ANK2: variants seen among roughly 807,000 people sequenced by gnomAD.
The protein encoded by ANK2 is ankyrin-2.
ANK2 carries 83 observed loss-of-function variants against 360.5 expected under a neutral mutation model. That is an observed-to-expected ratio of 0.23 (90% confidence interval 0.19 to 0.28). The LOEUF (loss-of-function observed/expected upper bound fraction) is 0.28. Among genes scored for constraint, ANK2 ranks in the 10% least tolerant of loss-of-function variants. The pLI is 1.00. For missense variants in ANK2, 4,201 were observed against 4,795.7 expected, an observed-to-expected ratio of 0.88 and a Z score of 3.66; for synonymous variants, 1,740 against 1,759.5, an observed-to-expected ratio of 0.99 and a Z score of 0.28.
At chr4:113,073,120 C>G (rs962101627) in intron 1 of ANK2, among the ~76,000 whole-genome samples, 2 of 151,728 alleles carry the variant, frequency 1.3e-5, no homozygotes, top group Non-Finnish European at 2.9e-5. Flanking sequence ...CACCACCATG[C>G]CTGGCTAGTT....
At chr4:113,307,361 A>G (rs2077676921) in intron 23 of ANK2, among the ~76,000 whole-genome samples, 1 of 151,024 alleles carries the variant, frequency 6.6e-6, no homozygotes, top group Non-Finnish European at 1.5e-5. Context: ...CGTTTCAGAG[A>G]ATCTCCTTGT....
intron 17 of ANK2, among the ~76,000 whole-genome samples, chr4:113,279,582 T>C (rs1450264124): frequency 6.6e-6 from 1 of 151,500 alleles, no homozygotes; most frequent in African/African-American, 2.4e-5. Context: ...ATTCCACTTC[T>C]GTTATACAAA....
At chr4:113,186,434 G>T (rs141479464) in intron 2 of ANK2, among the ~76,000 whole-genome samples, 1 of 152,110 alleles carries the variant, frequency 6.6e-6, no homozygotes, top group Non-Finnish European at 1.5e-5. Flanking sequence ...GTAAATACAC[G>T]AAGATGAAGA....
chr4:113,252,281 G>A (rs1340187163), intron 10 of ANK2, among the ~76,000 whole-genome samples: 2 of 152,138 alleles, frequency 1.3e-5, no homozygotes, highest in Non-Finnish European at 2.9e-5. Flanking sequence ...ATCTCCCACT[G>A]GGTCCCTCTC....
chr4:113,252,248 G>A (rs1430581377), intron 10 of ANK2, among the ~76,000 whole-genome samples: 3 of 152,108 alleles, frequency 2.0e-5, no homozygotes, highest in Non-Finnish European at 4.4e-5. Context: ...TAGTTTGGGG[G>A]AATCCGCCCT....
chr4:112,894,634 G>C (rs567897587), intron 1 of ANK2, among the ~76,000 whole-genome samples: 1 of 152,262 alleles, frequency 6.6e-6, no homozygotes, highest in Non-Finnish European at 1.5e-5. Flanking sequence ...ACGGTAAAAT[G>C]CAAATACTCG....
At chr4:112,743,498 A>C in the ANK2 span, among the ~76,000 whole-genome samples, 1,015 of 134,622 alleles carry the variant, frequency 7.5e-3, 14 homozygotes, top group African/African-American at 0.026. Flanking sequence ...TCTCTCCTTC[A>C]TTCCTTCCTT....
chr4:113,263,434 TA>T (rs887674053), intron 13 of ANK2, among the ~76,000 whole-genome samples: 1 of 152,174 alleles, frequency 6.6e-6, no homozygotes, highest in Non-Finnish European at 1.5e-5. Flanking sequence ...CATTAGAGGA[TA>T]AATGAGTCAT....
At chr4:113,247,164 A>G (rs1179875319) in intron 9 of ANK2, among the ~76,000 whole-genome samples, 2 of 151,706 alleles carry the variant, frequency 1.3e-5, no homozygotes, top group Non-Finnish European at 2.9e-5. Context: ...TTCTAGAGAA[A>G]AAAAAAAAAA....
At chr4:113,233,537 A>T (rs2099347292) in intron 5 of ANK2, among the ~76,000 whole-genome samples, 1 of 152,190 alleles carries the variant, frequency 6.6e-6, no homozygotes, top group Admixed American at 6.5e-5. Context: ...AACTATCTTA[A>T]GATAATTTTT....
intron 29 of ANK2, 90 bp downstream of exon 29, chr4:113,333,298 ATGTGTGTGTGTGTG>A (rs60929199): frequency 4.1e-5 from 48 of 1,163,228 alleles, no homozygotes; most frequent in Non-Finnish European, 5.4e-5. Context: ...GTGTGTGTAT[ATGTGTGTGTGTGTG>A]TGTGTGTGTG....
chr4:112,806,992 A>G, the ANK2 span, among the ~76,000 whole-genome samples: 1 of 152,250 alleles, frequency 6.6e-6, no homozygotes, highest in East Asian at 1.9e-4. Context: ...ATGAGTCTTC[A>G]GGGGAATAAT....
intron 1 of ANK2, among the ~76,000 whole-genome samples, chr4:112,830,605 AATT>A (rs1165580082): frequency 1.1e-4 from 15 of 137,606 alleles, no homozygotes; most frequent in African/African-American, 2.6e-4. Context: ...TGTAACATGC[AATT>A]ATTATTATTA....
chr4:113,313,175 C>T (rs1201078474), intron 24 of ANK2, among the ~76,000 whole-genome samples: 1 of 152,094 alleles, frequency 6.6e-6, no homozygotes, highest in Non-Finnish European at 1.5e-5. Flanking sequence ...AGATTTGGAC[C>T]TTATACTCTG....
chr4:112,770,326 C>G, the ANK2 span, among the ~76,000 whole-genome samples: 1 of 152,220 alleles, frequency 6.6e-6, no homozygotes, highest in Non-Finnish European at 1.5e-5. Context: ...GGAATGTGGA[C>G]AGGCGTGAGC....
chr4:112,867,482 T>A (rs2071079090), intron 1 of ANK2, among the ~76,000 whole-genome samples: 1 of 152,040 alleles, frequency 6.6e-6, no homozygotes. Context: ...ATTCACAGAG[T>A]TGTACAACCA....
At position 113,274,563 on chromosome 4, in the gene ANK2, C is replaced by A. The variant is rs2153688612; in HGVS notation, c.1597C>A (p.Pro533Thr). 1 of 1,614,212 alleles carries A rather than the reference C, an allele frequency of 6.2e-7. No homozygotes were observed. The highest frequency in any genetic ancestry group is 1.1e-5 in the South Asian group (1 of 91,088). The change falls in exon 15 of 46, where the codon CCA (proline) becomes ACA (threonine). Residue 533 changes from proline to threonine, a missense_variant. Coordinates refer to ENST00000357077, the MANE Select transcript of ANK2 (RefSeq NM_001148.6). ...PDAATTNGYTPLHISAREGQV... is the reference protein window; with the variant it reads ...PDAATTNGYTTLHISAREGQV... ...TGCGGCCACTACAAATGGGTACACA[C>A]CACTGCACATCTCTGCCCGGGAGGG...
chr4:112,747,040 A>T, the ANK2 span, among the ~76,000 whole-genome samples: 18 of 152,334 alleles, frequency 1.2e-4, no homozygotes, highest in Non-Finnish European at 2.4e-4. Flanking sequence ...ACAGCAGATG[A>T]CATTACCTTT....
intron 2 of ANK2, among the ~76,000 whole-genome samples, chr4:112,959,581 A>G (rs1160067617): frequency 6.6e-6 from 1 of 152,234 alleles, no homozygotes; most frequent in East Asian, 1.9e-4. Flanking sequence ...GGTATATAAT[A>G]TAATAGTTTA....
Sources: gnomAD v4.1 joint callset for allele counts (sites outside exome capture counted in the v4.1 genomes callset) on GRCh38, gnomAD v4.1.1 for gene constraint, MANE v1.5 for transcripts, NCBI Gene and HGNC (gene_info 2026-07-23, HGNC 2026-07-21) for gene names.